Variants in FSTL4 observed in about 807,000 individuals in gnomAD.
FSTL4 encodes the protein follistatin-related protein 4.
FSTL4 carries 28 observed loss-of-function variants against 78.2 expected under a neutral mutation model. The observed-to-expected ratio is 0.36, with a 90% CI of 0.27 to 0.49. FSTL4 has a LOEUF of 0.49. Ranked by LOEUF, FSTL4 falls within the 20% of genes least tolerant of loss-of-function variation. The probability of loss-of-function intolerance (pLI) is 0.98; values close to 1 mark genes in which losing one functional copy is unlikely to be tolerated. For missense variants in FSTL4, 922 were observed against 1,084.9 expected (o/e 0.85, Z 2.11); for synonymous variants, 422 against 440.5 (o/e 0.96, Z 0.53).
At chr5:133,633,563 C>T in the FSTL4 span, among the ~76,000 whole-genome samples, 1 of 151,972 alleles carries the variant, frequency 6.6e-6, no homozygotes, top group Non-Finnish European at 1.5e-5. Context: ...TGTCATGATG[C>T]CTACTTTAAA....
the FSTL4 span, among the ~76,000 whole-genome samples, chr5:133,750,332 A>G: frequency 0.036 from 5,543 of 152,312 alleles, 342 homozygotes; most frequent in African/African-American, 0.13. Flanking sequence ...AAATGTTGGC[A>G]GAAGGTGCTT....
At chr5:133,644,306 T>TTG in the FSTL4 span, among the ~76,000 whole-genome samples, 3 of 152,156 alleles carry the variant, frequency 2.0e-5, no homozygotes, top group African/African-American at 4.8e-5. Context: ...AAAGTCTTTT[T>TTG]TGTGTGTGTT....
chr5:133,628,824 A>AT, the FSTL4 span, among the ~76,000 whole-genome samples: 1 of 152,030 alleles, frequency 6.6e-6, no homozygotes, highest in Non-Finnish European at 1.5e-5. Flanking sequence ...TTGCACATTG[A>AT]TTTTGTATCC....
the FSTL4 span, among the ~76,000 whole-genome samples, chr5:133,799,944 A>G: frequency 7.2e-6 from 1 of 139,304 alleles, no homozygotes; most frequent in Non-Finnish European, 1.6e-5. Context: ...CATCCCCTGC[A>G]GCACCTGAGC....
At position 133,199,443 on chromosome 5, in the gene FSTL4, G is replaced by T. The variant is rs1750249449; in HGVS notation, c.2181C>A (p.Asp727Glu). The part of the protein sequence containing the change: ...TVRGEIQTLY[D>E]LQINSGISDL... The stretch of plus-strand genomic sequence containing the variant: ...CTGAGATGCCCGAGTTTATTTGCAG[G>T]TCATACAGGGTCTGGATCTCGCCCC... The change falls in exon 16 of 16, where the codon GAC becomes GAA. Residue 727 changes from aspartate to glutamate, a missense_variant. Transcript: ENST00000265342. The surrounding 1 kb of genome is among the most constrained non-coding windows in gnomAD (Gnocchi z 4.4). 1 of 1,614,200 alleles carries T rather than the reference G, an allele frequency of 6.2e-7. No homozygotes were observed. The highest frequency in any genetic ancestry group is 8.5e-7 in the Non-Finnish European group (1 of 1,180,004).
intron 3 of FSTL4, among the ~76,000 whole-genome samples, chr5:133,403,497 T>C (rs992072379): frequency 1.3e-5 from 2 of 152,198 alleles, no homozygotes; most frequent in East Asian, 3.9e-4. Context: ...GGCCCCAGTA[T>C]ACTCAGGTTT....
intron 3 of FSTL4, among the ~76,000 whole-genome samples, chr5:133,486,845 G>A (rs763658159): frequency 1.3e-5 from 2 of 152,148 alleles, no homozygotes; most frequent in Non-Finnish European, 2.9e-5. Flanking sequence ...ACAAAACAGA[G>A]CAAAGTAGTG....
chr5:133,541,465 C>T (rs548720623), intron 3 of FSTL4, among the ~76,000 whole-genome samples: 15 of 152,232 alleles, frequency 9.9e-5, no homozygotes, highest in East Asian at 9.7e-4. Flanking sequence ...GATTTGGCCT[C>T]GAAGTCCTAC....
the FSTL4 span, among the ~76,000 whole-genome samples, chr5:133,621,386 C>T: frequency 6.6e-6 from 1 of 152,016 alleles, no homozygotes; most frequent in African/African-American, 2.4e-5. Flanking sequence ...GGCAACAGAG[C>T]GAGACTCCGT....
intron 4 of FSTL4, among the ~76,000 whole-genome samples, chr5:133,341,356 G>A (rs568565630): frequency 6.6e-6 from 1 of 151,792 alleles, no homozygotes; most frequent in African/African-American, 2.4e-5. Flanking sequence ...ACAAGGTCAA[G>A]GTGACTCCCT....
chr5:133,798,653 C>A, the FSTL4 span, among the ~76,000 whole-genome samples: 2 of 152,140 alleles, frequency 1.3e-5, no homozygotes, highest in African/African-American at 2.4e-5. Context: ...ACCTAGACAA[C>A]CTCACGACAT....
chr5:133,265,156 C>T (rs1191142279), intron 6 of FSTL4, among the ~76,000 whole-genome samples: 1 of 152,048 alleles, frequency 6.6e-6, no homozygotes, highest in Non-Finnish European at 1.5e-5. Flanking sequence ...TAGGCCCCGT[C>T]CCCCCACATC....
chr5:133,837,231 G>C, the FSTL4 span, among the ~76,000 whole-genome samples: 12 of 151,822 alleles, frequency 7.9e-5, no homozygotes, highest in Admixed American at 3.3e-4. Context: ...CTCTATTGAA[G>C]TCTCAGTTAT....
chr5:133,479,035 C>T (rs533599554), intron 3 of FSTL4, among the ~76,000 whole-genome samples: 75 of 152,172 alleles, frequency 4.9e-4, no homozygotes, highest in Non-Finnish European at 9.0e-4. Context: ...TGTCTACTGC[C>T]GGGGAGAAAT....
intron 4 of FSTL4, among the ~76,000 whole-genome samples, chr5:133,377,539 G>A (rs956977145): frequency 6.6e-6 from 1 of 152,044 alleles, no homozygotes; most frequent in African/African-American, 2.4e-5. Context: ...TTGGTGGTAA[G>A]TAATTAAGAG....
intron 3 of FSTL4, among the ~76,000 whole-genome samples, chr5:133,516,218 G>A (rs941620927): frequency 1.3e-5 from 2 of 151,886 alleles, no homozygotes; most frequent in Non-Finnish European, 2.9e-5. Flanking sequence ...TCTAGACCCT[G>A]CAGTTAGACA....
At chr5:133,559,462 C>A (rs996792708) in intron 3 of FSTL4, among the ~76,000 whole-genome samples, 1 of 152,278 alleles carries the variant, frequency 6.6e-6, no homozygotes, top group Non-Finnish European at 1.5e-5. Context: ...CAGGGAGCAC[C>A]ATCATCTCTC....
intron 3 of FSTL4, among the ~76,000 whole-genome samples, chr5:133,544,424 A>G (rs1348833371): frequency 6.6e-6 from 1 of 152,214 alleles, no homozygotes. Flanking sequence ...TTCTGGCTTC[A>G]ATAAAATAGC....
the FSTL4 span, among the ~76,000 whole-genome samples, chr5:133,674,557 G>C: frequency 6.6e-6 from 1 of 151,960 alleles, no homozygotes; most frequent in African/African-American, 2.4e-5. Context: ...CGTAGAGAAC[G>C]AGACAGGCAT....
Sources: gnomAD v4.1 joint callset for allele counts (sites outside exome capture counted in the v4.1 genomes callset) on GRCh38, gnomAD v4.1.1 for gene constraint, Gnocchi (gnomAD v3.1) non-coding constraint, MANE v1.5 for transcripts, NCBI Gene and HGNC (gene_info 2026-07-23, HGNC 2026-07-21) for gene names.